Variants in SLC35F4 observed in about 807,000 individuals in gnomAD.
SLC35F4 encodes solute carrier family 35 member F4.
SLC35F4 carries 24 observed loss-of-function variants against 44.2 expected under a neutral mutation model. That is an observed-to-expected ratio of 0.54 (90% CI 0.39 to 0.76). SLC35F4 has a LOEUF of 0.76. SLC35F4 is among the 30% of genes least tolerant of loss of function. The pLI, the probability that SLC35F4 is intolerant of heterozygous loss-of-function variation, is 0.00. For synonymous variants in SLC35F4, 238 were observed against 223.6 expected, an observed-to-expected ratio of 1.06 and a Z score of -0.57; for missense variants, 562 against 586.1, an observed-to-expected ratio of 0.96 and a Z score of 0.42.
At chr14:57,680,421 T>A (rs1018975027) in intron 1 of SLC35F4, among the ~76,000 whole-genome samples, 3 of 152,098 alleles carry the variant, frequency 2.0e-5, no homozygotes, top group African/African-American at 7.3e-5. Context: ...AATATCATAC[T>A]GAATCGGCAA....
intron 1 of SLC35F4, among the ~76,000 whole-genome samples, chr14:57,769,442 G>C (rs531086030): frequency 1.5e-4 from 23 of 152,212 alleles, no homozygotes; most frequent in South Asian, 4.2e-4. Context: ...TACAAAATTG[G>C]GGTGTGAATC....
intron 1 of SLC35F4, among the ~76,000 whole-genome samples, chr14:57,907,840 G>A (rs1048433948): frequency 1.1e-4 from 16 of 151,648 alleles, no homozygotes; most frequent in East Asian, 5.8e-4. Flanking sequence ...TTTATTTTAC[G>A]TTCTGGGATA....
chr14:57,597,475 A>C (rs1214717814), intron 1 of SLC35F4, among the ~76,000 whole-genome samples: 1 of 152,260 alleles, frequency 6.6e-6, no homozygotes, highest in African/African-American at 2.4e-5. Flanking sequence ...GTATTGTGTC[A>C]GGACCAGAGT....
intron 1 of SLC35F4, among the ~76,000 whole-genome samples, chr14:57,746,991 C>T: frequency 6.6e-6 from 1 of 152,144 alleles, no homozygotes; most frequent in East Asian, 1.9e-4. Context: ...AAATCCTAAG[C>T]ACAGAAGTTT....
chr14:57,967,099 GATA>G (rs988026016), intron 1 of SLC35F4, among the ~76,000 whole-genome samples: 6 of 151,922 alleles, frequency 3.9e-5, no homozygotes, highest in South Asian at 2.1e-4. Flanking sequence ...AAATTTTAAA[GATA>G]ATAATATTTT....
intron 1 of SLC35F4, among the ~76,000 whole-genome samples, chr14:57,863,790 A>G (rs1383993384): frequency 6.6e-6 from 1 of 152,122 alleles, no homozygotes; most frequent in Non-Finnish European, 1.5e-5. Flanking sequence ...TCTGACTATC[A>G]CTTAATTCTC....
intron 1 of SLC35F4, among the ~76,000 whole-genome samples, chr14:57,803,437 A>G (rs1880898834): frequency 6.6e-6 from 1 of 152,132 alleles, no homozygotes. Context: ...TCAACATAGT[A>G]TTGGAAGTTC....
chr14:57,899,945 G>A (rs141401289), intron 1 of SLC35F4, among the ~76,000 whole-genome samples: 73 of 152,188 alleles, frequency 4.8e-4, no homozygotes, highest in African/African-American at 1.6e-3. Flanking sequence ...GACCCAAGTG[G>A]GTTACCACTG....
intron 1 of SLC35F4, among the ~76,000 whole-genome samples, chr14:57,627,265 C>T (rs574378458): frequency 6.6e-6 from 1 of 152,172 alleles, no homozygotes; most frequent in East Asian, 1.9e-4. Context: ...TTGGACAAAG[C>T]CCAGATTGGC....
chr14:57,675,714 T>C (rs1217712222), intron 1 of SLC35F4, among the ~76,000 whole-genome samples: 1 of 152,090 alleles, frequency 6.6e-6, no homozygotes, highest in African/African-American at 2.4e-5. Flanking sequence ...TTGAGGGTTT[T>C]TATCATAAAG....
intron 1 of SLC35F4, among the ~76,000 whole-genome samples, chr14:57,676,372 CT>C (rs1485101331): frequency 6.6e-6 from 1 of 152,000 alleles, no homozygotes; most frequent in African/African-American, 2.4e-5. Context: ...TAAATGGGAG[CT>C]GAACAATGAG....
At chr14:57,683,100 T>TAAAA (rs1327994322) in intron 1 of SLC35F4, among the ~76,000 whole-genome samples, 2 of 152,200 alleles carry the variant, frequency 1.3e-5, no homozygotes, top group Non-Finnish European at 2.9e-5. Context: ...TAACTTGTCA[T>TAAAA]ACAAAGATTA....
chr14:57,829,285 C>T (rs1184086834), intron 1 of SLC35F4, among the ~76,000 whole-genome samples: 1 of 152,098 alleles, frequency 6.6e-6, no homozygotes, highest in Admixed American at 6.6e-5. Context: ...TGAGCAGAAG[C>T]GCTCTGGCAG....
chr14:57,931,806 A>G (rs927227130), intron 1 of SLC35F4, among the ~76,000 whole-genome samples: 2 of 152,206 alleles, frequency 1.3e-5, no homozygotes, highest in African/African-American at 2.4e-5. Flanking sequence ...ACAAAGCACA[A>G]TCCAATAGAG....
intron 3 of SLC35F4, among the ~76,000 whole-genome samples, chr14:57,582,185 G>T (rs1237557815): frequency 2.0e-5 from 3 of 146,410 alleles, no homozygotes; most frequent in Admixed American, 2.0e-4. Context: ...TTTCCTTTAA[G>T]TCCTAGGCCT....
chr14:57,970,634 C>T (rs545385804), intron 1 of SLC35F4, among the ~76,000 whole-genome samples: 15 of 152,276 alleles, frequency 9.9e-5, no homozygotes, highest in Admixed American at 5.2e-4. Context: ...TTTATCCCCC[C>T]GTAGGTAAAA....
chr14:57,605,060 G>A (rs1317666070), intron 1 of SLC35F4, among the ~76,000 whole-genome samples: 2 of 144,322 alleles, frequency 1.4e-5, no homozygotes, highest in East Asian at 2.0e-4. Flanking sequence ...AAGAAGTTAC[G>A]GCTAAGTCCC....
chr14:57,874,389 C>T (rs1466256623), intron 1 of SLC35F4, among the ~76,000 whole-genome samples: 1 of 152,188 alleles, frequency 6.6e-6, no homozygotes, highest in African/African-American at 2.4e-5. Context: ...AATCAAAACA[C>T]ATTAAAGGTT....
chr14:57,630,398 C>T, intron 1 of SLC35F4: 1 of 662,248 alleles, frequency 1.5e-6, no homozygotes, highest in East Asian at 2.7e-5. Flanking sequence ...TAGATTCAAA[C>T]ACTGAAATTA....
Sources: allele counts gnomAD v4.1 joint callset (sites outside exome capture counted in the v4.1 genomes callset), GRCh38; gene constraint gnomAD v4.1.1; transcripts MANE v1.5; gene names NCBI Gene and HGNC (gene_info 2026-07-23, HGNC 2026-07-21).